ERI3: variants seen among roughly 807,000 people sequenced by gnomAD.
ERI3 encodes the protein ERI1 exoribonuclease family member 3, also known as ERI1 exoribonuclease 3.
In ERI3, 18 loss-of-function variants were observed where a neutral mutation model predicts 44.4. The ratio of observed to expected loss-of-function variants is 0.41; its 90% CI spans 0.28 to 0.60. The LOEUF (loss-of-function observed/expected upper bound fraction) is 0.60. Ranked by LOEUF, ERI3 falls within the 20% of genes least tolerant of loss-of-function variation. The pLI, the probability that ERI3 is intolerant of heterozygous loss-of-function variation, is 0.36. For missense variants in ERI3, 294 were observed against 435.5 expected (o/e 0.68, Z 2.89); for synonymous variants, 183 against 164.8 (o/e 1.11, Z -0.84).
intron 1 of ERI3, 94 bp downstream of exon 1, chr1:44,354,798 C>G (rs1319028319): frequency 7.7e-7 from 1 of 1,293,188 alleles, no homozygotes; most frequent in East Asian, 2.8e-5. Flanking sequence ...CATGGGCCAG[C>G]ACCCCAGGTT....
intron 6 of ERI3, among the ~76,000 whole-genome samples, chr1:44,300,902 C>T (rs1270986889): frequency 3.3e-5 from 5 of 152,172 alleles, no homozygotes; most frequent in Non-Finnish European, 5.9e-5. Context: ...CTGCACTGCA[C>T]GACTGGCTTC....
intron 7 of ERI3, among the ~76,000 whole-genome samples, chr1:44,265,523 A>T (rs1644973747): frequency 6.6e-6 from 1 of 152,232 alleles, no homozygotes; most frequent in South Asian, 2.1e-4. Flanking sequence ...CACGGAGCTC[A>T]CAATGTACTA....
intron 6 of ERI3, among the ~76,000 whole-genome samples, chr1:44,300,219 A>G (rs1645694711): frequency 1.3e-5 from 2 of 152,344 alleles, no homozygotes; most frequent in South Asian, 2.1e-4. Context: ...AAGCCTGATC[A>G]GTCATTAAGC....
intron 5 of ERI3, among the ~76,000 whole-genome samples, chr1:44,310,951 T>TCGTGTGCGCGCGCG (rs1553195163): frequency 1.1e-5 from 1 of 95,026 alleles, no homozygotes; most frequent in African/African-American, 4.2e-5. Flanking sequence ...TATGTGCACA[T>TCGTGTGCGCGCGCG]CGCGCGCGCG....
At chr1:44,250,264 C>T (rs763002458) in intron 7 of ERI3, among the ~76,000 whole-genome samples, 1 of 152,254 alleles carries the variant, frequency 6.6e-6, no homozygotes, top group Non-Finnish European at 1.5e-5. Flanking sequence ...GCTGCCGAGG[C>T]CCCTCCGCTC....
chr1:44,319,874 G>C, intron 3 of ERI3, 130 bp from the exon 4 acceptor site: 1 of 680,672 alleles, frequency 1.5e-6, no homozygotes, highest in East Asian at 2.7e-5. Context: ...GCTCCTGCCA[G>C]GCCAAACCCA....
chr1:44,279,093 A>T (rs1645236803), intron 7 of ERI3, among the ~76,000 whole-genome samples: 1 of 152,146 alleles, frequency 6.6e-6, no homozygotes, highest in South Asian at 2.1e-4. Flanking sequence ...ATTTTTGACT[A>T]TTCCTTCTGT....
intron 8 of ERI3, among the ~76,000 whole-genome samples, chr1:44,226,829 TTTC>T (rs777788870): frequency 6.9e-6 from 1 of 145,448 alleles, no homozygotes; most frequent in Non-Finnish European, 1.5e-5. Context: ...TATCCTATGT[TTTC>T]TTCTAATACT....
chr1:44,348,774 G>A (rs544538560), intron 2 of ERI3, among the ~76,000 whole-genome samples: 2 of 152,356 alleles, frequency 1.3e-5, no homozygotes, highest in East Asian at 3.9e-4. Context: ...CTCAAGGAAA[G>A]TGAAATCACA....
At chr1:44,294,754 G>A (rs996081171) in intron 6 of ERI3, among the ~76,000 whole-genome samples, 4 of 152,260 alleles carry the variant, frequency 2.6e-5, no homozygotes, top group Admixed American at 1.3e-4. Context: ...CAGCTAATGA[G>A]CTATTCTCTT....
intron 8 of ERI3, among the ~76,000 whole-genome samples, chr1:44,233,597 T>A (rs1201023823): frequency 6.6e-6 from 1 of 151,900 alleles, no homozygotes; most frequent in Non-Finnish European, 1.5e-5. Flanking sequence ...TCTAAGCCCA[T>A]CCCTCCACTC....
chr1:44,292,772 C>T (rs1048920609), intron 6 of ERI3, among the ~76,000 whole-genome samples: 1 of 152,214 alleles, frequency 6.6e-6, no homozygotes, highest in African/African-American at 2.4e-5. Flanking sequence ...CTGCAGGTTA[C>T]AATTCCAACC....
chr1:44,311,597 T>TGCCTCCTC (rs1645974179), intron 5 of ERI3, among the ~76,000 whole-genome samples: 1 of 152,092 alleles, frequency 6.6e-6, no homozygotes, highest in Admixed American at 6.5e-5. Flanking sequence ...GGCCTAGGGT[T>TGCCTCCTC]AACAGGGGGT....
At chr1:44,242,844 G>T (rs1174922431) in intron 8 of ERI3, among the ~76,000 whole-genome samples, 1 of 152,204 alleles carries the variant, frequency 6.6e-6, no homozygotes, top group African/African-American at 2.4e-5. Flanking sequence ...AGGCAAAGCT[G>T]TACTGCAGAC....
chr1:44,225,014 T>C (rs1644002362), intron 8 of ERI3, among the ~76,000 whole-genome samples: 1 of 152,144 alleles, frequency 6.6e-6, no homozygotes, highest in South Asian at 2.1e-4. Flanking sequence ...TAGAGACAGA[T>C]CTGGGGCTTT....
intron 3 of ERI3, among the ~76,000 whole-genome samples, chr1:44,333,497 G>A (rs555487880): frequency 3.4e-4 from 52 of 152,270 alleles, no homozygotes; most frequent in African/African-American, 1.2e-3. Context: ...TCTTTCTCCA[G>A]GGAATTGCTT....
intron 7 of ERI3, among the ~76,000 whole-genome samples, chr1:44,280,765 T>C (rs142040847): frequency 1.3e-5 from 2 of 152,332 alleles, no homozygotes; most frequent in Admixed American, 6.5e-5. Context: ...TTATATTTAA[T>C]ACCCTTTAAC....
chr1:44,322,295 C>T (rs1375071087), intron 3 of ERI3, among the ~76,000 whole-genome samples: 1 of 151,914 alleles, frequency 6.6e-6, no homozygotes, highest in Non-Finnish European at 1.5e-5. Context: ...TGTTAGCTTC[C>T]TCACCCATAG....
intron 6 of ERI3, among the ~76,000 whole-genome samples, chr1:44,304,570 T>A (rs770203087): frequency 1.3e-5 from 2 of 152,098 alleles, no homozygotes; most frequent in Non-Finnish European, 2.9e-5. Flanking sequence ...CTTCCAGCCA[T>A]CTTCCACATC....
Sources: gnomAD v4.1 joint callset for allele counts (sites outside exome capture counted in the v4.1 genomes callset) on GRCh38, gnomAD v4.1.1 for gene constraint, MANE v1.5 for transcripts, NCBI Gene and HGNC (gene_info 2026-07-23, HGNC 2026-07-21) for gene names.